DHRSX: variants seen among roughly 807,000 people sequenced by gnomAD.
DHRSX encodes polyprenol dehydrogenase.
DHRSX carries 31 observed loss-of-function variants against 34.0 expected under a neutral mutation model. That is an observed-to-expected ratio of 0.91 (90% CI 0.69 to 1.23). DHRSX has a LOEUF of 1.23. Ranked by LOEUF, DHRSX falls within the 50% of genes most tolerant of loss-of-function variation. The pLI is 0.00. For synonymous variants in DHRSX, 201 were observed against 183.8 expected (o/e 1.09, Z -0.76); for missense variants, 414 against 428.1 (o/e 0.97, Z 0.29).
At chrX:2,346,726 T>C (rs763106490) in intron 3 of DHRSX, among the ~76,000 whole-genome samples, 40 of 152,106 alleles carry the variant, frequency 2.6e-4, no homozygotes, top group African/African-American at 9.2e-4. Flanking sequence ...GGTATCCATG[T>C]GCCATGGTGG....
rs185278888 is a variant in DHRSX, at chrX:2,352,686, G to A, written c.286+56059C>T. Among the ~76,000 whole-genome samples, 476 of 152,204 alleles carry A rather than the reference G, an allele frequency of 3.1e-3. 4 individuals are homozygous for A. The highest frequency in any genetic ancestry group is 0.01 in the African/African-American group (420 of 41,524). ...CTTTGGGGTGAGAATACCACGTTTC[G>A]GCGTCTTCAGGGGATACAGCAGAGG... On this transcript the variant is annotated intron_variant, in intron 3 of 6. Coordinates refer to ENST00000334651, the MANE Select transcript of DHRSX (RefSeq NM_145177.3).
intron 6 of DHRSX, 124 bp downstream of exon 6, chrX:2,242,899 G>A: frequency 4.4e-6 from 4 of 900,172 alleles, no homozygotes; most frequent in Non-Finnish European, 5.1e-6. Context: ...TTCCACCACT[G>A]AGCCGTCCTG....
intron 1 of DHRSX, 102 bp downstream of exon 1, chrX:2,500,715 C>T: frequency 2.7e-6 from 1 of 374,028 alleles, no homozygotes; most frequent in Non-Finnish European, 3.7e-6. Context: ...GGGAGCGCCA[C>T]CGCCTCGCCA....
At position 2,374,843 on chromosome X, in the gene DHRSX, G is replaced by A. The variant is rs751726276; in HGVS notation, c.286+33902C>T. ...TCCCAGCACTTTGGGAGGCCGTGGT[G>A]GAAGGATCCCTTGAGCCCTGGAGTT... On this transcript the variant is annotated intron_variant, in intron 3 of 6. Transcript: ENST00000334651. Among the ~76,000 whole-genome samples the A allele has an allele frequency of 5.8e-5, 8 of 137,668 alleles. 3 individuals are homozygous for A. The South Asian group carries it at 1.8e-3, about 32-fold the overall frequency. 90.3% of individuals were successfully genotyped at this position (137,668 alleles called of 152,430 possible). A position where few individuals can be genotyped will look rare whatever the true frequency, so the allele number is the denominator to read the frequency against.
At chrX:2,408,949 C>T (rs2043593379) in intron 2 of DHRSX, 136 bp from the exon 3 acceptor site, 2 of 763,062 alleles carry the variant, frequency 2.6e-6, no homozygotes, top group Non-Finnish European at 2.2e-6. Context: ...TTCCCTTTAT[C>T]CTAGCGTCTA....
At chrX:2,249,670 C>T (rs190250171) in intron 5 of DHRSX, among the ~76,000 whole-genome samples, 259 of 151,310 alleles carry the variant, frequency 1.7e-3, no homozygotes, top group African/African-American at 6.1e-3. Flanking sequence ...ACTACAGGCG[C>T]CTACCATCAC....
At chrX:2,354,360 G>T in intron 3 of DHRSX, among the ~76,000 whole-genome samples, 1 of 152,282 alleles carries the variant, frequency 6.6e-6, no homozygotes, top group Middle Eastern at 3.4e-3. Flanking sequence ...GCCACTGCTG[G>T]GATGACACCA....
At chrX:2,330,096 G>A (rs2042441848) in intron 3 of DHRSX, among the ~76,000 whole-genome samples, 1 of 4,748 alleles carries the variant, frequency 2.1e-4, no homozygotes, top group African/African-American at 3.8e-4. Flanking sequence ...GGGGGGGGGA[G>A]GGAGGGAGAG....
At chrX:2,449,205 T>G (rs1160163205) in intron 1 of DHRSX, among the ~76,000 whole-genome samples, 9 of 147,664 alleles carry the variant, frequency 6.1e-5, no homozygotes, top group Non-Finnish European at 9.0e-5. Context: ...AAAAAAAAAA[T>G]GTGTCCACTC....
chrX:2,304,747 A>G lies in DHRSX; in HGVS notation c.287-13144T>C, dbSNP rs149703107. ...TGCTTCCCGTACAGCCTGCAGATCC[A>G]TGAGCCAATTAAACTTCTTTTCTTT... On this transcript the variant is annotated intron_variant, in intron 3 of 6. Transcript: ENST00000334651. Among the ~76,000 whole-genome samples, 390 of 150,604 alleles carry G rather than the reference A, an allele frequency of 2.6e-3. 2 individuals are homozygous for G. The highest frequency in any genetic ancestry group is 9.2e-3 in the African/African-American group (371 of 40,484).
At chrX:2,258,435 G>A (rs1215476166) in intron 5 of DHRSX, among the ~76,000 whole-genome samples, 1 of 151,900 alleles carries the variant, frequency 6.6e-6, no homozygotes, top group African/African-American at 2.4e-5. Context: ...CCCAGTCTAT[G>A]GTATTCTGTG....
At chrX:2,496,526 G>A (rs1157151355) in intron 1 of DHRSX, among the ~76,000 whole-genome samples, 2 of 152,062 alleles carry the variant, frequency 1.3e-5, no homozygotes, top group African/African-American at 2.4e-5. Flanking sequence ...AATGTCTTGC[G>A]TGCAGTGTAT....
chrX:2,363,693 A>G (rs1405572529), intron 3 of DHRSX, among the ~76,000 whole-genome samples: 3 of 150,494 alleles, frequency 2.0e-5, no homozygotes, highest in Non-Finnish European at 4.4e-5. Flanking sequence ...TCACCGTTCT[A>G]TGGTATCATG....
chrX:2,475,646 A>G (rs989696109), intron 1 of DHRSX, among the ~76,000 whole-genome samples: 1 of 151,738 alleles, frequency 6.6e-6, no homozygotes, highest in African/African-American at 2.4e-5. Context: ...CAGCCAAGGG[A>G]CTGCCACCGT....
chrX:2,492,647 G>A (rs7881682), intron 1 of DHRSX, among the ~76,000 whole-genome samples: 1 of 151,308 alleles, frequency 6.6e-6, no homozygotes, highest in African/African-American at 2.4e-5. Flanking sequence ...AGGAGACACA[G>A]ACACAGAGAA....
chrX:2,221,114 T>C lies in DHRSX; in HGVS notation c.920A>G (p.Tyr307Cys). Residue 307 changes from tyrosine to cysteine, a missense_variant, in exon 7 of 7, where the codon TAC (tyrosine) becomes TGC (cysteine). Transcript: ENST00000334651. Reference protein sequence around the residue: ...EKETKSLHVTYNQKLQQQLWS... With the variant: ...EKETKSLHVTCNQKLQQQLWS... The stretch of plus-strand genomic sequence containing the variant: ...CAGCTGCTGCTGCAGTTTCTGGTTG[T>C]AGGTGACGTGGAGGGACTTGGTCTC... 2.5e-6 allele frequency: 4 copies of C among 1,613,938 alleles called. No individual in the cohort carries two copies. The highest frequency in any genetic ancestry group is 3.4e-6 in the Non-Finnish European group (4 of 1,179,848).
chrX:2,413,516 T>C (rs1179547924), intron 2 of DHRSX, among the ~76,000 whole-genome samples: 1 of 152,220 alleles, frequency 6.6e-6, no homozygotes, highest in Non-Finnish European at 1.5e-5. Context: ...TGGAAACATA[T>C]ATCAAAACCA....
rs189718858 is a variant in DHRSX, at chrX:2,432,359, G to T, written c.110-7055C>A. On this transcript the variant is annotated intron_variant, in intron 1 of 6. Coordinates refer to ENST00000334651, the MANE Select transcript of DHRSX (RefSeq NM_145177.3). ...AGAATTTCTTTTAGGCAAACTGGAC[G>T]AATCGATTCGAAAATTGCTGTGGGG... 2.2e-3 allele frequency among the ~76,000 whole-genome samples: 339 copies of T among 152,244 alleles called. 3 individuals are homozygous for T. The highest frequency in any genetic ancestry group is 7.9e-3 in the African/African-American group (330 of 41,552).
chrX:2,286,734 C>T lies in DHRSX; in HGVS notation c.388+4768G>A, dbSNP rs765020266. Among the ~76,000 whole-genome samples, 19 of 151,616 alleles carry T rather than the reference C, an allele frequency of 1.3e-4. 1 individual carries two copies. The South Asian group carries it at 2.5e-3, about 20-fold the overall frequency. Reference sequence around the variant, plus strand: ...AGATCCTCTGCAACTGAGCTCTTCTCAACAGTGACCCCAGGGACAAGATGA... The same window carrying T: ...AGATCCTCTGCAACTGAGCTCTTCTTAACAGTGACCCCAGGGACAAGATGA... On this transcript the variant is annotated intron_variant, in intron 4 of 6. Coordinates refer to ENST00000334651, the MANE Select transcript of DHRSX (RefSeq NM_145177.3).
Sources: gnomAD v4.1 joint callset for allele counts (sites outside exome capture counted in the v4.1 genomes callset) on GRCh38, gnomAD v4.1.1 for gene constraint, MANE v1.5 for transcripts, NCBI Gene and HGNC (gene_info 2026-07-23, HGNC 2026-07-21) for gene names.